The following EFCAB13 variants were observed in gnomAD, a reference collection of about 807,000 sequenced individuals.
The protein encoded by EFCAB13 is EF-hand calcium binding domain 13.
EFCAB13 carries 91 observed loss-of-function variants against 110.2 expected under a neutral mutation model. The ratio of observed to expected loss-of-function variants is 0.83; its 90% confidence interval spans 0.70 to 0.98. EFCAB13 has a LOEUF of 0.98. Among genes scored for constraint, EFCAB13 ranks in the 50% least tolerant of loss-of-function variants. EFCAB13 has a pLI of 0.00. For missense variants in EFCAB13, 968 were observed against 1,119.4 expected, an observed-to-expected ratio of 0.86 and a Z score of 1.93; for synonymous variants, 323 against 369.9, an observed-to-expected ratio of 0.87 and a Z score of 1.45.
chr17:47,344,204 A>G lies in EFCAB13; in HGVS notation c.346A>G (p.Arg116Gly). Residue 116 changes from arginine to glycine, a missense_variant, in exon 7 of 25, where the codon AGG (arginine) becomes GGG (glycine). Transcript: ENST00000331493. ...GAAGCTGTCAAAGGAGAAGGTGACA[A>G]GGAAAGAAAACTCTTTATGCAAGTT... is the stretch of plus-strand genomic sequence containing the variant. The part of the protein sequence containing the change: ...FLKLSKEKVT[R>G]KENSLCKLPN... 2 of 1,613,282 alleles carry G rather than the reference A, an allele frequency of 1.2e-6. No homozygotes were observed. The highest frequency in any genetic ancestry group is 1.7e-5 in the Admixed American group (1 of 59,974).
At position 47,431,016 on chromosome 17, in the gene EFCAB13, G is replaced by A. The variant is rs975815532; in HGVS notation, c.2638+1055G>A. Among the ~76,000 whole-genome samples, 3 of 152,028 alleles carry A rather than the reference G, an allele frequency of 2.0e-5. No individual in the cohort carries two copies. Among genetic ancestry groups the A allele is most frequent in the Non-Finnish European group, 2.9e-5 (2 of 67,956 alleles). On this transcript the variant is annotated intron_variant, in intron 24 of 24. Transcript: ENST00000331493. The surrounding 1 kb of genome is among the most constrained non-coding windows in gnomAD (Gnocchi z 4.1). ...ATTGTTATACACATTTATGGGGTAT[G>A]TGTGATATTTTGATACAAGTATTCA...
chr17:47,382,774 G>A (rs1340431957), intron 14 of EFCAB13, among the ~76,000 whole-genome samples: 1 of 152,138 alleles, frequency 6.6e-6, no homozygotes, highest in African/African-American at 2.4e-5. Context: ...CCTGGTTTTG[G>A]TATCAGGGTG....
intron 24 of EFCAB13, among the ~76,000 whole-genome samples, chr17:47,437,655 T>C (rs759694624): frequency 3.9e-5 from 6 of 152,198 alleles, no homozygotes; most frequent in South Asian, 4.1e-4. Context: ...TGAGTCCTTA[T>C]GTGCTAGGTG....
At chr17:47,403,024 G>T (rs993405369) in intron 18 of EFCAB13, among the ~76,000 whole-genome samples, 1 of 152,140 alleles carries the variant, frequency 6.6e-6, no homozygotes, top group Non-Finnish European at 1.5e-5. Flanking sequence ...AAGTGCTAAG[G>T]CAAGAAAGCA....
chr17:47,341,873 A>G, intron 5 of EFCAB13, 48 bp from the exon 6 acceptor site: 1 of 1,110,308 alleles, frequency 9.0e-7, no homozygotes. Context: ...GTTGAAAAGA[A>G]TAAGTAAAAA....
intron 24 of EFCAB13, among the ~76,000 whole-genome samples, chr17:47,437,166 G>A (rs935027157): frequency 9.9e-5 from 15 of 151,990 alleles, no homozygotes; most frequent in African/African-American, 2.9e-4. Context: ...ATTGAGGCTC[G>A]CTTTATGGCC....
intron 8 of EFCAB13, among the ~76,000 whole-genome samples, chr17:47,347,121 G>C (rs1482269646): frequency 6.6e-6 from 1 of 152,066 alleles, no homozygotes; most frequent in African/African-American, 2.4e-5. Context: ...CAAAAAATTA[G>C]TTGGGCATGT....
intron 10 of EFCAB13, among the ~76,000 whole-genome samples, chr17:47,365,707 G>A (rs1265169401): frequency 6.6e-6 from 1 of 152,156 alleles, no homozygotes; most frequent in Non-Finnish European, 1.5e-5. Flanking sequence ...AGTATTGTTG[G>A]TGGGGAGAGT....
At chr17:47,372,124 AT>A (rs1567790748) in intron 11 of EFCAB13, among the ~76,000 whole-genome samples, 1 of 152,008 alleles carries the variant, frequency 6.6e-6, no homozygotes, top group Non-Finnish European at 1.5e-5. Context: ...TACTACTGCC[AT>A]TTTGTTAATT....
Position 47,345,082 on chromosome 17 carries a change from C to G in EFCAB13, c.501C>G (p.His167Gln), listed in dbSNP as rs774480405. The change falls in exon 8 of 25, where the codon CAC (histidine) becomes CAG (glutamine). Residue 167 changes from histidine (H) to glutamine (Q), a missense_variant. By Grantham distance (24) the His-to-Gln change is conservative (BLOSUM62 0). Coordinates refer to ENST00000331493, the MANE Select transcript of EFCAB13 (RefSeq NM_152347.5). ...LYDEVTHGYL[H>Q]SKELSALHKA... ...ATGAAGTAACCCATGGATATTTACA[C>G]TCAAAAGAATTAAGTGGTAATAAGA... 2.5e-6 allele frequency: 4 copies of G among 1,601,608 alleles called. No homozygotes were observed. Among genetic ancestry groups the G allele is most frequent in the South Asian group, 2.3e-5 (2 of 88,422 alleles).
At chr17:47,388,910 A>G (rs2143403402) in intron 14 of EFCAB13, among the ~76,000 whole-genome samples, 1 of 149,046 alleles carries the variant, frequency 6.7e-6, no homozygotes, top group African/African-American at 2.5e-5. Flanking sequence ...TCTTCTCAAC[A>G]CTTGATTTTT....
At chr17:47,420,719 C>T in intron 23 of EFCAB13, among the ~76,000 whole-genome samples, 1 of 151,860 alleles carries the variant, frequency 6.6e-6, no homozygotes, top group Non-Finnish European at 1.5e-5. Context: ...GGCAGCCGCC[C>T]CATCTGAGAA....
intron 13 of EFCAB13, among the ~76,000 whole-genome samples, chr17:47,378,930 A>G (rs770237849): frequency 1.3e-5 from 2 of 152,106 alleles, no homozygotes; most frequent in Non-Finnish European, 2.9e-5. Context: ...AGATATTGAG[A>G]AAGCAAGGAC....
In EFCAB13 at chr17:47,341,911, T is replaced by A. The variant is rs1311237892; in HGVS notation, c.192-10T>A. The A allele has an allele frequency of 2.2e-6, 3 of 1,384,746 alleles. No individual in the cohort carries two copies. In the African/African-American group the frequency reaches 4.4e-5, roughly 20 times the overall value. The allele number at this position is 1,384,746 out of a possible 1,614,324, so 85.8% of individuals were successfully genotyped here. On this transcript the variant is annotated splice_polypyrimidine_tract_variant and intron_variant, in intron 5 of 24. Coordinates refer to ENST00000331493, the MANE Select transcript of EFCAB13 (RefSeq NM_152347.5). ...AATTCAAGAATGATTCCAATTTCTG[T>A]GTCATTTAGATTTGAAACATCAATA... is the stretch of plus-strand genomic sequence containing the variant.
chr17:47,325,979 T>C (rs2065283964), intron 2 of EFCAB13, among the ~76,000 whole-genome samples: 1 of 122,020 alleles, frequency 8.2e-6, no homozygotes, highest in Admixed American at 8.1e-5. Context: ...ATATATTTTG[T>C]TCATTGGTAT....
Position 47,379,257 on chromosome 17 carries a change from G to C in EFCAB13, c.1582+4G>C, listed in dbSNP as rs1412166459. ...CGAAGTTTTCCTGAATGCAATGGTAGGTAGGAAATTTGTTTTAAAATGATT... is the reference window on the plus strand; with the variant it reads ...CGAAGTTTTCCTGAATGCAATGGTACGTAGGAAATTTGTTTTAAAATGATT... On this transcript the variant is annotated splice_donor_region_variant and intron_variant, in intron 14 of 24. Transcript: ENST00000331493. 1 of 1,610,410 alleles carries C rather than the reference G, an allele frequency of 6.2e-7. No individual in the cohort carries two copies.
In EFCAB13 at chr17:47,403,870, A is replaced by G. The variant is rs765533246; in HGVS notation, c.2018-8A>G. 2.5e-6 allele frequency: 4 copies of G among 1,583,822 alleles called. No individual in the cohort carries two copies. In the East Asian group the frequency reaches 9.0e-5, roughly 36 times the overall value. On this transcript the variant is annotated splice_region_variant and splice_polypyrimidine_tract_variant and intron_variant, in intron 18 of 24. Coordinates refer to ENST00000331493, the MANE Select transcript of EFCAB13 (RefSeq NM_152347.5). ...CTTTTTATTAATTAACTTTTTTTCTATTTATAGAGTTACAGGAAGTTGTCT... is the reference window on the plus strand; with the variant it reads ...CTTTTTATTAATTAACTTTTTTTCTGTTTATAGAGTTACAGGAAGTTGTCT...
rs1243573526 is a variant in EFCAB13, at chr17:47,374,632, T to C, written c.1038T>C (p.Tyr346=). 1 of 1,606,188 alleles carries C rather than the reference T, an allele frequency of 6.2e-7. No homozygotes were observed. Among genetic ancestry groups the C allele is most frequent in the Admixed American group, 1.7e-5 (1 of 58,236 alleles). Residue 346 remains tyrosine, a synonymous_variant, in exon 12 of 25, where the codon TAT becomes TAC. Transcript: ENST00000331493. ...KKLNKKSNQY[Y]SKIMENDDLE... ...TAAATAAAAAAAGCAACCAATATTATAGCAAAATTATGGAGAATGATGACC... is the reference window on the plus strand; with the variant it reads ...TAAATAAAAAAAGCAACCAATATTACAGCAAAATTATGGAGAATGATGACC...
chr17:47,326,451 C>G (rs1273711465), intron 3 of EFCAB13, 64 bp downstream of exon 3: 1 of 152,174 alleles, frequency 6.6e-6, no homozygotes, highest in East Asian at 1.9e-4. Flanking sequence ...TTTCCCCTCC[C>G]TCCATACCAT....
Sources: gnomAD v4.1 joint callset for allele counts (sites outside exome capture counted in the v4.1 genomes callset) on GRCh38, gnomAD v4.1.1 for gene constraint, Gnocchi (gnomAD v3.1) non-coding constraint, MANE v1.5 for transcripts, NCBI Gene and HGNC (gene_info 2026-07-23, HGNC 2026-07-21) for gene names.